Variants in SIMC1 observed in about 807,000 individuals in gnomAD.
SIMC1 encodes the protein SUMO-interacting motif-containing protein 1.
SIMC1 carries 55 observed loss-of-function variants against 82.3 expected under a neutral mutation model. The ratio of observed to expected loss-of-function variants is 0.67; its 90% CI spans 0.54 to 0.84. SIMC1 has a LOEUF of 0.84. Ranked by LOEUF, SIMC1 falls within the 40% of genes least tolerant of loss-of-function variation. The probability of loss-of-function intolerance (pLI) is 0.00; values close to 1 mark genes in which losing one functional copy is unlikely to be tolerated. For missense variants in SIMC1, 915 were observed against 1,107.2 expected (o/e 0.83, Z 2.46); for synonymous variants, 353 against 426.3 (o/e 0.83, Z 2.12).
intron 5 of SIMC1, among the ~76,000 whole-genome samples, chr5:176,320,115 G>A (rs1419203958): frequency 1.3e-5 from 2 of 152,120 alleles, no homozygotes; most frequent in Non-Finnish European, 2.9e-5. Flanking sequence ...CAAGGTTTTG[G>A]AAGACACGTG....
At chr5:176,305,530 T>TTG (rs1764297620) in intron 4 of SIMC1, among the ~76,000 whole-genome samples, 1 of 52,556 alleles carries the variant, frequency 1.9e-5, no homozygotes. Flanking sequence ...GGGAGGGAGG[T>TTG]GGGGGGGTCA....
At chr5:176,272,875 C>T (rs981205698) in intron 1 of SIMC1, among the ~76,000 whole-genome samples, 9 of 152,142 alleles carry the variant, frequency 5.9e-5, no homozygotes, top group South Asian at 2.1e-4. Flanking sequence ...AAGGTGCCAG[C>T]GAGGCTTGGG....
chr5:176,329,970 A>G (rs1378849348), intron 7 of SIMC1, among the ~76,000 whole-genome samples: 1 of 152,232 alleles, frequency 6.6e-6, no homozygotes, highest in Non-Finnish European at 1.5e-5. Flanking sequence ...TATATTATAT[A>G]TACACATACG....
chr5:176,295,165 G>A lies in SIMC1; in HGVS notation c.1567G>A (p.Glu523Lys). ...FVSPQHYPPR[E>K]IVAHIIQKIL... ...GTCACCCCAGCATTACCCACCAAGA[G>A]AAATCGTGGCTCACATCATCCAGAA... The change falls in exon 3 of 10, where the codon GAA becomes AAA. Residue 523 changes from glutamate (E) to lysine (K), a missense_variant. By Grantham distance (56) the Glu-to-Lys change is moderately conservative. This residue lies in a region of SIMC1 where 902 missense variants were observed against 1,040.3 expected (regional missense o/e 0.87). Transcript: ENST00000429602. 1 of 1,613,588 alleles carries A rather than the reference G, an allele frequency of 6.2e-7. No individual in the cohort carries two copies. The highest frequency in any genetic ancestry group is 8.5e-7 in the Non-Finnish European group (1 of 1,179,700).
chr5:176,304,785 G>T (rs1010314942), intron 4 of SIMC1, among the ~76,000 whole-genome samples: 1 of 151,248 alleles, frequency 6.6e-6, no homozygotes, highest in South Asian at 2.1e-4. Flanking sequence ...AGTGAGGAGC[G>T]TCTCTGCCCG....
intron 1 of SIMC1, among the ~76,000 whole-genome samples, chr5:176,249,491 CTT>C (rs896206228): frequency 2.0e-5 from 3 of 151,934 alleles, no homozygotes; most frequent in Non-Finnish European, 4.4e-5. Context: ...ATTCTTCTCT[CTT>C]TTCTTCTTTA....
intron 1 of SIMC1, among the ~76,000 whole-genome samples, chr5:176,265,266 TCAAACAAA>T (rs79477198): frequency 1.3e-4 from 19 of 150,682 alleles, no homozygotes; most frequent in African/African-American, 3.2e-4. Context: ...ACTCTCCACT[TCAAACAAA>T]CAAACAAACA....
chr5:176,321,360 T>C (rs1765149432), intron 5 of SIMC1, among the ~76,000 whole-genome samples: 1 of 151,698 alleles, frequency 6.6e-6, no homozygotes, highest in African/African-American at 2.4e-5. Context: ...ATTTCACTGC[T>C]ATCACCTGGG....
At chr5:176,294,438 C>T (rs1451651852) in intron 2 of SIMC1, among the ~76,000 whole-genome samples, 1 of 152,098 alleles carries the variant, frequency 6.6e-6, no homozygotes. Context: ...GCCACCACGT[C>T]TGGCTAATTT....
At chr5:176,321,885 CTTTTTTTTTTTT>C (rs11418187) in intron 5 of SIMC1, among the ~76,000 whole-genome samples, 3 of 90,720 alleles carry the variant, frequency 3.3e-5, no homozygotes, top group African/African-American at 1.3e-4. Flanking sequence ...TTTTAGTTAG[CTTTTTTTTTTTT>C]TTTTTTTTTG....
At chr5:176,259,763 A>G (rs1761955200) in intron 1 of SIMC1, among the ~76,000 whole-genome samples, 1 of 151,078 alleles carries the variant, frequency 6.6e-6, no homozygotes, top group African/African-American at 2.4e-5. Flanking sequence ...ACAGAGCAAG[A>G]CTCTATCTCA....
chr5:176,272,493 G>T (rs930893189), intron 1 of SIMC1, among the ~76,000 whole-genome samples: 1 of 152,162 alleles, frequency 6.6e-6, no homozygotes, highest in Non-Finnish European at 1.5e-5. Flanking sequence ...TATAGGAACA[G>T]CTCCAGTCTA....
intron 5 of SIMC1, among the ~76,000 whole-genome samples, chr5:176,315,757 A>G (rs930965684): frequency 6.6e-6 from 1 of 152,204 alleles, no homozygotes; most frequent in East Asian, 1.9e-4. Flanking sequence ...CTTAGTTTAC[A>G]TGCCCATATT....
At chr5:176,329,047 A>G (rs954331026) in intron 7 of SIMC1, among the ~76,000 whole-genome samples, 3 of 152,194 alleles carry the variant, frequency 2.0e-5, no homozygotes, top group East Asian at 3.8e-4. Flanking sequence ...AATATCACAA[A>G]TAGGAAATTT....
intron 1 of SIMC1, among the ~76,000 whole-genome samples, chr5:176,274,760 G>A (rs1160440117): frequency 1.3e-5 from 2 of 151,792 alleles, no homozygotes; most frequent in African/African-American, 2.4e-5. Flanking sequence ...TATTAACTAG[G>A]GAATCCTTTC....
chr5:176,279,396 C>G (rs565094871), intron 1 of SIMC1, among the ~76,000 whole-genome samples: 1 of 152,154 alleles, frequency 6.6e-6, no homozygotes, highest in South Asian at 2.1e-4. Flanking sequence ...AGCGGTCTAT[C>G]AATTTTGTTG....
At chr5:176,254,402 T>C (rs1761784045) in intron 1 of SIMC1, among the ~76,000 whole-genome samples, 1 of 151,244 alleles carries the variant, frequency 6.6e-6, no homozygotes, top group African/African-American at 2.5e-5. Flanking sequence ...TGTCTGGTTA[T>C]GGCACTGGAT....
chr5:176,238,513 A>C lies in SIMC1; in HGVS notation c.5A>C (p.Glu2Ala). The C allele has an allele frequency of 7.6e-7, 1 of 1,317,072 alleles. No homozygotes were observed. Among genetic ancestry groups the C allele is most frequent in the Non-Finnish European group, 9.8e-7 (1 of 1,020,606 alleles). The allele number at this position is 1,317,072 out of a possible 1,614,324, so 81.6% of individuals were successfully genotyped here. The change falls in exon 1 of 10, where the codon GAG becomes GCG. Residue 2 changes from glutamate to alanine, a missense_variant. This residue lies in a region of SIMC1 where 13 missense variants were observed against 66.9 expected (regional missense o/e 0.19). Coordinates refer to ENST00000429602, the MANE Select transcript of SIMC1 (RefSeq NM_001308195.2). Reference sequence around the variant, plus strand: ...CTTCGGTCGGGGCCCGCAGCCATGGAGGATTTCATCGTGATCTCGGACGAC... The same window carrying C: ...CTTCGGTCGGGGCCCGCAGCCATGGCGGATTTCATCGTGATCTCGGACGAC... M[E>A]DFIVISDDSG...
Position 176,289,959 on chromosome 5 carries a change from C to T in SIMC1, c.435C>T (p.Pro145=), listed in dbSNP as rs375445283. The T allele has an allele frequency of 3.7e-5, 60 of 1,613,764 alleles. 1 individual carries two copies. Among genetic ancestry groups the T allele is most frequent in the Middle Eastern group, 1.6e-4 (1 of 6,082 alleles). Residue 145 remains proline (P), a synonymous_variant, in exon 2 of 10, where the codon CCC becomes CCT. Transcript: ENST00000429602. ...VEENTFVGPP[P]ATSISGGSVY... is the part of the protein sequence containing the mutation. ...AAAACACCTTTGTAGGTCCCCCACC[C>T]GCTACATCCATCAGTGGAGGCTCTG...
Sources: allele counts gnomAD v4.1 joint callset (sites outside exome capture counted in the v4.1 genomes callset), GRCh38; gene constraint gnomAD v4.1.1; regional missense constraint gnomAD v4.1.1; transcripts MANE v1.5; gene names NCBI Gene and HGNC (gene_info 2026-07-23, HGNC 2026-07-21).